PLAC8L1: variants seen among roughly 807,000 people sequenced by gnomAD.
PLAC8L1 encodes the protein PLAC8-like protein 1.
In PLAC8L1, 13 loss-of-function variants were observed where a neutral mutation model predicts 16.3. That is an observed-to-expected ratio of 0.80 (90% CI 0.52 to 1.27). PLAC8L1 has a LOEUF of 1.27. Among genes scored for constraint, PLAC8L1 ranks in the 50% most tolerant of loss-of-function variants. The pLI, the probability that PLAC8L1 is intolerant of heterozygous loss-of-function variation, is 0.00. For missense variants in PLAC8L1, 184 were observed against 220.2 expected, an observed-to-expected ratio of 0.84 and a Z score of 1.04; for synonymous variants, 78 against 79.3, an observed-to-expected ratio of 0.98 and a Z score of 0.09.
At chr5:146,088,132 C>A (rs1197715389) in intron 2 of PLAC8L1, among the ~76,000 whole-genome samples, 1 of 152,160 alleles carries the variant, frequency 6.6e-6, no homozygotes, top group Non-Finnish European at 1.5e-5. Flanking sequence ...TATCACCTGG[C>A]TAACTTTTTT....
Position 146,104,409 on chromosome 5 carries a change from G to C in PLAC8L1, c.-98C>G. The C allele has an allele frequency of 4.3e-6, 4 of 932,714 alleles. No individual in the cohort carries two copies. The highest frequency in any genetic ancestry group is 7.0e-6 in the Non-Finnish European group (4 of 572,992). The allele number at this position is 932,714 out of a possible 1,614,324, so 57.8% of individuals were successfully genotyped here. ...ATTAGTCCAAAGTGAAACATCTCTT[G>C]AAAGAATGTTCCCTTAATATTCTGG... On this transcript the variant is annotated 5_prime_UTR_variant, in exon 1 of 4. Transcript: ENST00000311450.
intron 1 of PLAC8L1, among the ~76,000 whole-genome samples, chr5:146,100,457 G>A (rs1039281317): frequency 1.3e-5 from 2 of 151,730 alleles, no homozygotes; most frequent in African/African-American, 4.8e-5. Context: ...TATAAAAACT[G>A]CAAATAAATT....
chr5:146,092,966 G>C (rs1370381454), intron 2 of PLAC8L1, among the ~76,000 whole-genome samples: 1 of 151,798 alleles, frequency 6.6e-6, no homozygotes, highest in Non-Finnish European at 1.5e-5. Flanking sequence ...ATTAAAATAA[G>C]CCAAAGGTAC....
chr5:146,092,595 G>A (rs889211377), intron 2 of PLAC8L1, among the ~76,000 whole-genome samples: 4 of 133,030 alleles, frequency 3.0e-5, no homozygotes, highest in African/African-American at 8.5e-5. Flanking sequence ...AGGCTGAAGT[G>A]CAGTAGCATG....
rs541636185 is a variant in PLAC8L1 at position 146,099,991 on chromosome 5, G to C, written c.120-1699C>G. Among the ~76,000 whole-genome samples the C allele has an allele frequency of 3.1e-3, 466 of 152,036 alleles. 4 individuals carry two copies. The highest frequency in any genetic ancestry group is 0.01 in the African/African-American group (435 of 41,440). On this transcript the variant is annotated intron_variant, in intron 1 of 3. Transcript: ENST00000311450. ...AAAAGAAATTCCCAAGCCTTCCCTC[G>C]GACCAACTGCACAGGTTTCCAAGAA...
At chr5:146,088,000 C>T (rs1270964644) in intron 2 of PLAC8L1, among the ~76,000 whole-genome samples, 1 of 152,174 alleles carries the variant, frequency 6.6e-6, no homozygotes, top group Non-Finnish European at 1.5e-5. Flanking sequence ...GATTGGATCA[C>T]AGGGGCAGCT....
chr5:146,095,868 T>C (rs1304746807), intron 2 of PLAC8L1, among the ~76,000 whole-genome samples: 1 of 152,228 alleles, frequency 6.6e-6, no homozygotes, highest in Non-Finnish European at 1.5e-5. Context: ...AGCTAGCACC[T>C]AATAACAGTG....
At chr5:146,096,557 C>T (rs971769508) in intron 2 of PLAC8L1, among the ~76,000 whole-genome samples, 2 of 152,146 alleles carry the variant, frequency 1.3e-5, no homozygotes, top group African/African-American at 2.4e-5. Flanking sequence ...ACTTGTTCAA[C>T]GTTACATGGC....
chr5:146,095,185 G>A (rs1763689526), intron 2 of PLAC8L1, among the ~76,000 whole-genome samples: 1 of 152,078 alleles, frequency 6.6e-6, no homozygotes. Flanking sequence ...TCACAACATG[G>A]AAACACAACT....
chr5:146,084,575 A>G lies in PLAC8L1; in HGVS notation c.394-3T>C, dbSNP rs751419580. The G allele has an allele frequency of 7.4e-6, 12 of 1,613,272 alleles. No homozygotes were observed. Among genetic ancestry groups the G allele is most frequent in the Non-Finnish European group, 1.0e-5 (12 of 1,179,986 alleles). ...AGCCAGTCTTCACACAGTGTGCCCT[A>G]GGGCAAGACCAGAATCTGTTCTGTT... On this transcript the variant is annotated splice_region_variant and splice_polypyrimidine_tract_variant and intron_variant, in intron 3 of 3. Transcript: ENST00000311450.
At chr5:146,086,920 C>T (rs897080820) in intron 2 of PLAC8L1, among the ~76,000 whole-genome samples, 6 of 152,142 alleles carry the variant, frequency 3.9e-5, no homozygotes, top group African/African-American at 1.4e-4. Context: ...AGAAAATGCA[C>T]AGGCCATCAG....
intron 2 of PLAC8L1, among the ~76,000 whole-genome samples, chr5:146,096,031 G>A: frequency 6.6e-6 from 1 of 152,182 alleles, no homozygotes; most frequent in East Asian, 1.9e-4. Flanking sequence ...TAAAACAACA[G>A]GAATTATTTT....
intron 2 of PLAC8L1, among the ~76,000 whole-genome samples, chr5:146,086,004 T>TA (rs1224863495): frequency 6.6e-6 from 1 of 151,018 alleles, no homozygotes; most frequent in Non-Finnish European, 1.5e-5. Flanking sequence ...CATCTATTTC[T>TA]ATAAGTGTAA....
chr5:146,094,947 A>G (rs1460897013), intron 2 of PLAC8L1, among the ~76,000 whole-genome samples: 1 of 152,212 alleles, frequency 6.6e-6, no homozygotes, highest in Non-Finnish European at 1.5e-5. Context: ...CTTTGTTCCC[A>G]AGTCTGTCAA....
intron 1 of PLAC8L1, among the ~76,000 whole-genome samples, chr5:146,100,998 G>A (rs112683207): frequency 0.035 from 5,251 of 152,100 alleles, 310 homozygotes; most frequent in African/African-American, 0.12. Flanking sequence ...TCAGGAGCTC[G>A]AGACCAGCCT....
intron 2 of PLAC8L1, among the ~76,000 whole-genome samples, chr5:146,096,079 A>G (rs958364117): frequency 1.3e-5 from 2 of 152,196 alleles, no homozygotes; most frequent in Admixed American, 6.5e-5. Context: ...GTGTGAAACC[A>G]AAGTGTTGGC....
chr5:146,098,590 G>A (rs1176440592), intron 1 of PLAC8L1, among the ~76,000 whole-genome samples: 2 of 152,122 alleles, frequency 1.3e-5, no homozygotes, highest in African/African-American at 2.4e-5. Context: ...ATTTGGAATC[G>A]AGGCCTCAGT....
chr5:146,090,984 G>A (rs1419054503), intron 2 of PLAC8L1, among the ~76,000 whole-genome samples: 1 of 151,914 alleles, frequency 6.6e-6, no homozygotes, highest in African/African-American at 2.4e-5. Flanking sequence ...AACCCAGGAG[G>A]CCCAGGTTGC....
At chr5:146,093,834 C>A (rs752324784) in intron 2 of PLAC8L1, among the ~76,000 whole-genome samples, 1 of 152,162 alleles carries the variant, frequency 6.6e-6, no homozygotes, top group East Asian at 1.9e-4. Flanking sequence ...TGGGTATCTA[C>A]TAGTTCCTAG....
Sources: gnomAD v4.1 joint callset for allele counts (sites outside exome capture counted in the v4.1 genomes callset) on GRCh38, gnomAD v4.1.1 for gene constraint, MANE v1.5 for transcripts, NCBI Gene and HGNC (gene_info 2026-07-23, HGNC 2026-07-21) for gene names.